ADGRG6: variants seen among roughly 807,000 people sequenced by gnomAD.
The protein encoded by ADGRG6 is G-protein coupled receptor 126.
Under a neutral mutation model 142.4 loss-of-function variants are expected in ADGRG6, and 84 were observed. The observed-to-expected ratio is 0.59, with a 90% CI of 0.49 to 0.71. ADGRG6 has a LOEUF of 0.71. Among genes scored for constraint, ADGRG6 ranks in the 30% least tolerant of loss-of-function variants. The pLI is 0.00. For missense variants in ADGRG6, 1,367 were observed against 1,466.6 expected (o/e 0.93, Z 1.11); for synonymous variants, 521 against 520.5 (o/e 1.00, Z -0.01).
intron 24 of ADGRG6, 77 bp from the exon 25 acceptor site, chr6:142,443,260 C>T (rs184261885): frequency 4.2e-5 from 34 of 804,592 alleles, no homozygotes; most frequent in East Asian, 1.1e-4. Flanking sequence ...ATGTGCAAAA[C>T]GGAGTATACA....
intron 2 of ADGRG6, among the ~76,000 whole-genome samples, chr6:142,365,648 T>C (rs1447803994): frequency 6.6e-6 from 1 of 152,194 alleles, no homozygotes; most frequent in East Asian, 1.9e-4. Flanking sequence ...TATTTTCCAT[T>C]GTCTGTCTTC....
intron 6 of ADGRG6, among the ~76,000 whole-genome samples, chr6:142,389,214 A>C (rs1338597083): frequency 6.6e-6 from 1 of 151,848 alleles, no homozygotes; most frequent in East Asian, 1.9e-4. Flanking sequence ...TGGAATTTGC[A>C]TTTTGGTGGA....
At chr6:142,370,103 T>G (rs555250831) in intron 3 of ADGRG6, 67 bp from the exon 4 acceptor site, 25 of 1,377,728 alleles carry the variant, frequency 1.8e-5, no homozygotes, top group Non-Finnish European at 2.5e-5. Context: ...GGGCTTGATG[T>G]TTTGCATCAC....
At chr6:142,416,755 G>A (rs1384320683) in intron 20 of ADGRG6, among the ~76,000 whole-genome samples, 1 of 152,168 alleles carries the variant, frequency 6.6e-6, no homozygotes, top group Non-Finnish European at 1.5e-5. Flanking sequence ...GCCTGCCATA[G>A]CATTTCCCCA....
intron 11 of ADGRG6, among the ~76,000 whole-genome samples, chr6:142,401,187 T>C (rs1409971925): frequency 6.6e-6 from 1 of 152,180 alleles, no homozygotes; most frequent in Non-Finnish European, 1.5e-5. Context: ...TAAGCATAAA[T>C]ACTTTGCATA....
At chr6:142,344,679 T>C (rs929598968) in intron 2 of ADGRG6, among the ~76,000 whole-genome samples, 2 of 151,972 alleles carry the variant, frequency 1.3e-5, no homozygotes, top group Non-Finnish European at 2.9e-5. Flanking sequence ...ATAAAATAGC[T>C]GGCTTCCTTA....
At chr6:142,418,717 G>A (rs987859088) in intron 21 of ADGRG6, among the ~76,000 whole-genome samples, 10 of 152,052 alleles carry the variant, frequency 6.6e-5, no homozygotes, top group African/African-American at 2.4e-4. Flanking sequence ...TCAAAGATGT[G>A]CAGGACAGCT....
chr6:142,383,061 G>A (rs1781847083), intron 5 of ADGRG6, among the ~76,000 whole-genome samples: 1 of 151,760 alleles, frequency 6.6e-6, no homozygotes, highest in African/African-American at 2.4e-5. Context: ...AAAAAAATCT[G>A]TAATTCTGTT....
Position 142,371,053 on chromosome 6 carries a change from G to A in ADGRG6, c.1069+260G>A, listed in dbSNP as rs1781227021. 1.0e-5 allele frequency: 4 copies of A among 397,560 alleles called. No homozygotes were observed. In the Admixed American group the frequency reaches 1.2e-4, roughly 12 times the overall value. 24.6% of individuals were successfully genotyped at this position (397,560 alleles called of 1,614,324 possible). A position where few individuals can be genotyped will look rare whatever the true frequency, so the allele number is the denominator to read the frequency against. ...TTTACCATTCTTAAGTTTTCCCTAT[G>A]TCATAAAATATCACAGAGTTTATCA... On this transcript the variant is annotated intron_variant, in intron 4 of 24. Coordinates refer to ENST00000367609, the MANE Select transcript of ADGRG6 (RefSeq NM_198569.3).
At chr6:142,418,979 A>G (rs891904533) in intron 21 of ADGRG6, among the ~76,000 whole-genome samples, 2 of 152,150 alleles carry the variant, frequency 1.3e-5, no homozygotes, top group African/African-American at 2.4e-5. Flanking sequence ...AGTATCAAGT[A>G]TCTTCTTCTC....
At chr6:142,316,484 A>G (rs79810129) in intron 2 of ADGRG6, among the ~76,000 whole-genome samples, 6,376 of 152,270 alleles carry the variant, frequency 0.042, 279 homozygotes, top group African/African-American at 0.12. Context: ...CCAAAACTTG[A>G]TTAAAGAGAA....
chr6:142,377,069 A>T (rs190649907), intron 4 of ADGRG6, among the ~76,000 whole-genome samples: 1 of 152,310 alleles, frequency 6.6e-6, no homozygotes. Flanking sequence ...GCCTGTTTCC[A>T]GTGATTACAT....
chr6:142,318,413 A>G (rs1436346229), intron 2 of ADGRG6, among the ~76,000 whole-genome samples: 1 of 120,540 alleles, frequency 8.3e-6, no homozygotes, highest in Non-Finnish European at 1.6e-5. Context: ...AAATATATAT[A>G]TAATATATTT....
At chr6:142,326,823 T>A (rs1342694640) in intron 2 of ADGRG6, among the ~76,000 whole-genome samples, 2 of 152,034 alleles carry the variant, frequency 1.3e-5, no homozygotes, top group African/African-American at 4.8e-5. Context: ...GCATGAGTGA[T>A]TAGCTGGCTC....
intron 22 of ADGRG6, among the ~76,000 whole-genome samples, chr6:142,435,995 G>T (rs1245675467): frequency 2.0e-4 from 30 of 152,068 alleles, no homozygotes; most frequent in Non-Finnish European, 4.4e-5. Context: ...GGATGTGTGT[G>T]TGTTTGAGGG....
chr6:142,424,721 G>A (rs1776853433), intron 22 of ADGRG6, among the ~76,000 whole-genome samples: 1 of 151,898 alleles, frequency 6.6e-6, no homozygotes, highest in Non-Finnish European at 1.5e-5. Context: ...TTTTTCTATT[G>A]ATTGGAATAA....
chr6:142,326,460 G>A (rs913857685), intron 2 of ADGRG6, among the ~76,000 whole-genome samples: 12 of 151,302 alleles, frequency 7.9e-5, no homozygotes, highest in Middle Eastern at 6.5e-3. Flanking sequence ...ATATCTTGCT[G>A]GACCTAATTA....
At chr6:142,392,099 T>G (rs1774925185) in intron 7 of ADGRG6, among the ~76,000 whole-genome samples, 1 of 151,996 alleles carries the variant, frequency 6.6e-6, no homozygotes, top group Non-Finnish European at 1.5e-5. Flanking sequence ...TTATTACTAT[T>G]TACAATTTTA....
intron 2 of ADGRG6, among the ~76,000 whole-genome samples, chr6:142,320,022 T>C (rs1471752657): frequency 1.3e-5 from 2 of 152,074 alleles, no homozygotes; most frequent in African/African-American, 4.8e-5. Flanking sequence ...CATAAACCAG[T>C]TTGTTCACGT....
Sources: gnomAD v4.1 joint callset for allele counts (sites outside exome capture counted in the v4.1 genomes callset) on GRCh38, gnomAD v4.1.1 for gene constraint, MANE v1.5 for transcripts, NCBI Gene and HGNC (gene_info 2026-07-23, HGNC 2026-07-21) for gene names.